Variants in RGS3 observed in about 807,000 individuals in gnomAD.
RGS3 encodes the protein regulator of G-protein signalling 3.
In RGS3, 80 loss-of-function variants were observed where a neutral mutation model predicts 132.6. The observed-to-expected ratio is 0.60, with a 90% CI of 0.50 to 0.73. The LOEUF is 0.73. RGS3 is among the 30% of genes least tolerant of loss of function. RGS3 has a pLI of 0.00. For missense variants in RGS3, 1,382 were observed against 1,530.8 expected (o/e 0.90, Z 1.62); for synonymous variants, 598 against 620.6 (o/e 0.96, Z 0.54).
At position 113,506,258 on chromosome 9, in the gene RGS3, C is replaced by A; in HGVS notation, c.980-130C>A. On this transcript the variant is annotated intron_variant, in intron 11 of 24. Transcript: ENST00000350696. The surrounding 1 kb of genome is among the most constrained non-coding windows in gnomAD (Gnocchi z 4.7). ...AGGCACCAAGTTCAGTCCCTCATTT[C>A]ACGGATGAAGAAACTTAGAGAAAAA... 2 of 623,554 alleles carry A rather than the reference C, an allele frequency of 3.2e-6. No individual in the cohort carries two copies. Among genetic ancestry groups the A allele is most frequent in the Middle Eastern group, 2.7e-4 (1 of 3,652 alleles). 38.6% of individuals were successfully genotyped at this position (623,554 alleles called of 1,614,324 possible). A position where few individuals can be genotyped will look rare whatever the true frequency, so the allele number is the denominator to read the frequency against.
chr9:113,514,634 G>A, exon 15 of RGS3: 1 of 1,613,778 alleles, frequency 6.2e-7, no homozygotes, highest in Non-Finnish European at 8.5e-7. Context: ...CAAAGTCCTG[G>A]TGTTCCCTGT....
At chr9:113,585,058 A>G (rs1166109647) in intron 20 of RGS3, among the ~76,000 whole-genome samples, 1 of 152,246 alleles carries the variant, frequency 6.6e-6, no homozygotes, top group East Asian at 1.9e-4. Flanking sequence ...TTATATGTAG[A>G]TGAATAAGTA....
chr9:113,525,966 C>T (rs1033240805), intron 17 of RGS3, among the ~76,000 whole-genome samples: 1 of 152,234 alleles, frequency 6.6e-6, no homozygotes, highest in Non-Finnish European at 1.5e-5. Flanking sequence ...CCCAGCCTCC[C>T]CTAGGCTTCA....
intron 19 of RGS3, among the ~76,000 whole-genome samples, chr9:113,573,766 TGTG>T (rs1834387889): frequency 1.3e-5 from 2 of 152,252 alleles, no homozygotes; most frequent in South Asian, 4.1e-4. Flanking sequence ...TCTCCAACCA[TGTG>T]GAGTCCGAGC....
intron 19 of RGS3, among the ~76,000 whole-genome samples, chr9:113,576,605 C>A (rs994106908): frequency 6.6e-6 from 1 of 152,196 alleles, no homozygotes; most frequent in East Asian, 1.9e-4. Context: ...GCTGGGATTA[C>A]AGGCGTGAGC....
Position 113,565,736 on chromosome 9 carries a change from T to C in RGS3, c.2038-17714T>C, listed in dbSNP as rs1833969600. On this transcript the variant is annotated intron_variant, in intron 19 of 24. Transcript: ENST00000350696. This position sits in a 1 kb window ranked among gnomAD's most constrained non-coding sequence, Gnocchi z 5.7. Reference sequence around the variant, plus strand: ...TCCCTGCTGGAGTATGCTGGGTAGGTACCTTGGTGACAGGACTGTGTGTGT... The same window carrying C: ...TCCCTGCTGGAGTATGCTGGGTAGGCACCTTGGTGACAGGACTGTGTGTGT... 1 of 225,274 alleles carries C rather than the reference T, an allele frequency of 4.4e-6. No individual in the cohort carries two copies. The highest frequency in any genetic ancestry group is 9.1e-6 in the Non-Finnish European group (1 of 109,632). 14.0% of individuals were successfully genotyped at this position (225,274 alleles called of 1,614,324 possible).
At chr9:113,470,121 C>T (rs985062093) in intron 3 of RGS3, among the ~76,000 whole-genome samples, 1 of 152,088 alleles carries the variant, frequency 6.6e-6, no homozygotes, top group African/African-American at 2.4e-5. Context: ...ATGTTGGCCA[C>T]ACTGGTCTCG....
chr9:113,574,470 G>C (rs898183114), intron 19 of RGS3, among the ~76,000 whole-genome samples: 3 of 152,222 alleles, frequency 2.0e-5, no homozygotes, highest in African/African-American at 7.2e-5. Context: ...GCTTGTTGCT[G>C]TTTGGCAGCA....
intron 21 of RGS3, chr9:113,594,083 G>T: frequency 1.9e-6 from 3 of 1,612,994 alleles, no homozygotes; most frequent in Non-Finnish European, 2.5e-6. Flanking sequence ...CCCATTTCCT[G>T]GCTCCTCCTG....
At chr9:113,544,328 C>T (rs1428175216) in intron 19 of RGS3, among the ~76,000 whole-genome samples, 1 of 147,720 alleles carries the variant, frequency 6.8e-6, no homozygotes, top group Non-Finnish European at 1.5e-5. Flanking sequence ...TTTTATGTCT[C>T]AGGCTCTGGT....
chr9:113,472,375 T>C (rs1588140065), intron 3 of RGS3, among the ~76,000 whole-genome samples: 1 of 152,198 alleles, frequency 6.6e-6, no homozygotes, highest in African/African-American at 2.4e-5. Context: ...ACCTGAAATA[T>C]CCATCACCAG....
intron 21 of RGS3, chr9:113,592,149 C>T (rs1472672855): frequency 6.6e-6 from 1 of 152,352 alleles, no homozygotes; most frequent in Non-Finnish European, 1.5e-5. Context: ...TGGCCTTGAC[C>T]GTGGGTGGGG....
intron 3 of RGS3, among the ~76,000 whole-genome samples, chr9:113,462,585 C>G (rs1252527696): frequency 1.3e-5 from 2 of 152,340 alleles, no homozygotes; most frequent in East Asian, 1.9e-4. Context: ...ATTCCTAGCT[C>G]TGCAAACCTT....
intron 19 of RGS3, among the ~76,000 whole-genome samples, chr9:113,567,360 A>C (rs1834060525): frequency 6.6e-6 from 1 of 152,166 alleles, no homozygotes; most frequent in Non-Finnish European, 1.5e-5. Flanking sequence ...ATGTATGCAG[A>C]ATCTGGGCCT....
intron 11 of RGS3, among the ~76,000 whole-genome samples, chr9:113,505,750 T>C (rs1385439647): frequency 6.6e-6 from 1 of 152,228 alleles, no homozygotes; most frequent in Non-Finnish European, 1.5e-5. Context: ...GGTTTTTATA[T>C]TTTGTTTCCC....
chr9:113,510,517 G>A (rs543857180), intron 14 of RGS3, among the ~76,000 whole-genome samples: 1 of 152,372 alleles, frequency 6.6e-6, no homozygotes, highest in Admixed American at 6.5e-5. Context: ...AGGCTTTGGA[G>A]TCTGGTCGTG....
exon 20 of RGS3, chr9:113,583,901 C>T: frequency 6.2e-7 from 1 of 1,614,128 alleles, no homozygotes; most frequent in Non-Finnish European, 8.5e-7. Flanking sequence ...AAGGCCCTTA[C>T]TGAGGACACC....
intron 17 of RGS3, among the ~76,000 whole-genome samples, chr9:113,525,529 G>A (rs1416045374): frequency 1.3e-5 from 2 of 152,220 alleles, no homozygotes; most frequent in African/African-American, 4.8e-5. Context: ...TGGAGCCTCT[G>A]TTGGCAGAAT....
chr9:113,545,810 T>A lies in RGS3; in HGVS notation c.2037+8892T>A, dbSNP rs578244979. Reference sequence around the variant, plus strand: ...TCCTCATGCAGACTTACAAGGTGTGTTACCCCTGTTATACATTTACTCTCA... The same window carrying A: ...TCCTCATGCAGACTTACAAGGTGTGATACCCCTGTTATACATTTACTCTCA... On this transcript the variant is annotated intron_variant, in intron 19 of 24. Transcript: ENST00000350696. Among the ~76,000 whole-genome samples the A allele has an allele frequency of 6.6e-5, 10 of 152,338 alleles. No homozygotes were observed. In the South Asian group the frequency reaches 2.1e-3, roughly 32 times the overall value.
Sources: gnomAD v4.1 joint callset for allele counts (sites outside exome capture counted in the v4.1 genomes callset) on GRCh38, gnomAD v4.1.1 for gene constraint, Gnocchi (gnomAD v3.1) non-coding constraint, MANE v1.5 for transcripts, NCBI Gene and HGNC (gene_info 2026-07-23, HGNC 2026-07-21) for gene names.